Variants in LTBP1 observed in about 807,000 individuals in gnomAD.
LTBP1 encodes the protein latent-transforming growth factor beta-binding protein 1.
In LTBP1, 129 loss-of-function variants were observed where a neutral mutation model predicts 207.6. The observed-to-expected ratio is 0.62, with a 90% CI of 0.54 to 0.72. The LOEUF (loss-of-function observed/expected upper bound fraction) is 0.72. Among genes scored for constraint, LTBP1 ranks in the 30% least tolerant of loss-of-function variants. The probability of loss-of-function intolerance (pLI) is 0.00; values close to 1 mark genes in which losing one functional copy is unlikely to be tolerated. For missense variants in LTBP1, 2,281 were observed against 2,217.2 expected (o/e 1.03, Z -0.58); for synonymous variants, 963 against 833.7 (o/e 1.16, Z -2.67).
chr2:33,342,514 G>C (rs189123844), intron 24 of LTBP1, among the ~76,000 whole-genome samples: 1 of 152,312 alleles, frequency 6.6e-6, no homozygotes, highest in African/African-American at 2.4e-5. Context: ...AGGAATATAA[G>C]GTCCCTTGGA....
chr2:33,262,197 A>C (rs1216044259), intron 13 of LTBP1, among the ~76,000 whole-genome samples: 3 of 152,214 alleles, frequency 2.0e-5, no homozygotes, highest in Admixed American at 6.5e-5. Flanking sequence ...CTGGAGTTGT[A>C]AAGTTATCAG....
chr2:33,392,993 T>C (rs1367781471), intron 32 of LTBP1, among the ~76,000 whole-genome samples: 1 of 151,992 alleles, frequency 6.6e-6, no homozygotes, highest in African/African-American at 2.4e-5. Flanking sequence ...TTGTTCTCCT[T>C]TAAAGTTTTA....
At chr2:33,285,940 C>T (rs1475083262) in intron 19 of LTBP1, 1 of 151,994 alleles carries the variant, frequency 6.6e-6, no homozygotes, top group Non-Finnish European at 1.5e-5. Context: ...TCTTGGGAGC[C>T]ATGATACTTC....
intron 7 of LTBP1, among the ~76,000 whole-genome samples, chr2:33,201,647 GAAGA>G (rs2089293129): frequency 1.3e-5 from 2 of 148,386 alleles, no homozygotes; most frequent in East Asian, 4.0e-4. Flanking sequence ...AAAAAAAGAA[GAAGA>G]AAAAAAAAGA....
intron 23 of LTBP1, among the ~76,000 whole-genome samples, chr2:33,313,774 A>T (rs2094220986): frequency 6.6e-6 from 1 of 152,196 alleles, no homozygotes; most frequent in Non-Finnish European, 1.5e-5. Flanking sequence ...AAACATTCAT[A>T]AGACCCTGCA....
intron 7 of LTBP1, among the ~76,000 whole-genome samples, chr2:33,202,468 G>A (rs543140307): frequency 2.4e-4 from 36 of 152,234 alleles, no homozygotes; most frequent in African/African-American, 6.5e-4. Context: ...TTGAATTTCC[G>A]CAGTATCTCT....
At chr2:33,205,623 G>A (rs965396824) in intron 7 of LTBP1, among the ~76,000 whole-genome samples, 2 of 152,170 alleles carry the variant, frequency 1.3e-5, no homozygotes, top group Non-Finnish European at 2.9e-5. Flanking sequence ...GAGAGGTTCT[G>A]CAAAGGACCA....
chr2:33,347,377 A>G lies in LTBP1; in HGVS notation c.3867A>G (p.Glu1289=), dbSNP rs1425553318. ...TGCTCCCTTTTCCAGATGTGAATGA[A>G]TGTGAACTGCTCAGTGGGGTGTGTG... ...QDGQGCVDVN[E]CELLSGVCGE... The change falls in exon 26 of 34, where the codon GAA becomes GAG. Residue 1289 remains glutamate, a synonymous_variant. Coordinates refer to ENST00000404816, the MANE Select transcript of LTBP1 (RefSeq NM_206943.4). 6.2e-7 allele frequency: 1 copy of G among 1,614,150 alleles called. No homozygotes were observed. The highest frequency in any genetic ancestry group is 2.2e-5 in the East Asian group (1 of 44,874).
At chr2:32,987,677 C>A (rs1280332059) in intron 2 of LTBP1, among the ~76,000 whole-genome samples, 2 of 152,120 alleles carry the variant, frequency 1.3e-5, no homozygotes, top group Admixed American at 1.3e-4. Context: ...AAAGTAGGTG[C>A]TTAGGAAATA....
At chr2:33,355,751 C>A (rs763653813) in intron 26 of LTBP1, among the ~76,000 whole-genome samples, 25 of 152,074 alleles carry the variant, frequency 1.6e-4, no homozygotes, top group Non-Finnish European at 2.8e-4. Flanking sequence ...TCTTGTAATG[C>A]CTTCACTAGA....
At chr2:33,256,724 C>CTATA (rs10529995) in intron 11 of LTBP1, among the ~76,000 whole-genome samples, 50 of 68,788 alleles carry the variant, frequency 7.3e-4, no homozygotes, top group African/African-American at 9.3e-4. Context: ...GGAGGGCTAA[C>CTATA]TATATATATA....
At chr2:33,086,249 GT>G (rs1346311544) in intron 3 of LTBP1, among the ~76,000 whole-genome samples, 1 of 152,228 alleles carries the variant, frequency 6.6e-6, no homozygotes, top group Non-Finnish European at 1.5e-5. Context: ...GAAAATGGAG[GT>G]ACCAGGTAAG....
rs771808953 is a variant in LTBP1, at chr2:33,189,055, A to T, written c.1701+204A>T. ...TTACATACTGTCTATGCCCATTTTC[A>T]TGCGATGACTGCAGAATTAAATAGT... is the stretch of plus-strand genomic sequence containing the variant. On this transcript the variant is annotated intron_variant, in intron 7 of 33. Coordinates refer to ENST00000404816, the MANE Select transcript of LTBP1 (RefSeq NM_206943.4). 2.0e-5 allele frequency among the ~76,000 whole-genome samples: 3 copies of T among 152,342 alleles called. No homozygotes were observed. In the East Asian group the frequency reaches 5.8e-4, roughly 29 times the overall value.
rs1676362678 is a variant in LTBP1, at chr2:32,947,521, C to T, written c.197C>T (p.Ser66Leu). 1 of 1,399,984 alleles carries T rather than the reference C, an allele frequency of 7.1e-7. No homozygotes were observed. The highest frequency in any genetic ancestry group is 9.3e-7 in the Non-Finnish European group (1 of 1,078,544). The allele number at this position is 1,399,984 out of a possible 1,614,324, so 86.7% of individuals were successfully genotyped here. A position where few individuals can be genotyped will look rare whatever the true frequency, so the allele number is the denominator to read the frequency against. ...CTCAACGCCAGGTACAGCCGCAGCTCGGCGGCTGCCGGCGCCCCCAGCCGT... is the reference window on the plus strand; with the variant it reads ...CTCAACGCCAGGTACAGCCGCAGCTTGGCGGCTGCCGGCGCCCCCAGCCGT... ...VALNARYSRS[S>L]AAAGAPSRAS... Residue 66 changes from serine to leucine, a missense_variant, in exon 1 of 34, where the codon TCG (serine) becomes TTG (leucine). This residue lies in a region of LTBP1 where 555 missense variants were observed against 491.0 expected (regional missense o/e 1.13). Transcript: ENST00000404816.
chr2:33,375,518 GTTGT>G (rs549623386), intron 31 of LTBP1, among the ~76,000 whole-genome samples: 54 of 152,034 alleles, frequency 3.6e-4, no homozygotes, highest in African/African-American at 7.7e-4. Flanking sequence ...ATTATGTTGA[GTTGT>G]TTGTTTGTTT....
Position 33,243,789 on chromosome 2 carries a change from G to A in LTBP1, c.1999+5G>A. On this transcript the variant is annotated splice_donor_5th_base_variant and intron_variant, in intron 10 of 33. Coordinates refer to ENST00000404816, the MANE Select transcript of LTBP1 (RefSeq NM_206943.4). The stretch of plus-strand genomic sequence containing the variant: ...CTACCTTTTCAAGTTGTGTTCGTAA[G>A]TAATAATCACTTTTTATTCCTGTTT... 6.2e-7 allele frequency: 1 copy of A among 1,613,696 alleles called. No individual in the cohort carries two copies. The highest frequency in any genetic ancestry group is 8.5e-7 in the Non-Finnish European group (1 of 1,179,806).
At chr2:33,231,463 C>T (rs1402430777) in intron 9 of LTBP1, among the ~76,000 whole-genome samples, 2 of 152,148 alleles carry the variant, frequency 1.3e-5, no homozygotes, top group African/African-American at 2.4e-5. Context: ...TTAAATGAGA[C>T]TCCACAGTCT....
chr2:33,107,026 G>T (rs2080102262), intron 3 of LTBP1, among the ~76,000 whole-genome samples: 1 of 152,158 alleles, frequency 6.6e-6, no homozygotes, highest in African/African-American at 2.4e-5. Flanking sequence ...CTCTGTGTCT[G>T]TACTCTTTCA....
chr2:33,036,966 A>G (rs1418112430), intron 3 of LTBP1, among the ~76,000 whole-genome samples: 1 of 152,184 alleles, frequency 6.6e-6, no homozygotes, highest in Non-Finnish European at 1.5e-5. Flanking sequence ...TGTCCAGAGT[A>G]GTTACATTGA....
Sources: gnomAD v4.1 joint callset for allele counts (sites outside exome capture counted in the v4.1 genomes callset) on GRCh38, gnomAD v4.1.1 for gene constraint, gnomAD v4.1.1 regional missense constraint, MANE v1.5 for transcripts, NCBI Gene and HGNC (gene_info 2026-07-23, HGNC 2026-07-21) for gene names.